Variants in RUNX1 observed in about 807,000 individuals in gnomAD.
The protein encoded by RUNX1 is RUNX family transcription factor 1, also known as runt-related transcription factor 1.
In RUNX1, 19 loss-of-function variants were observed where a neutral mutation model predicts 42.8. The observed-to-expected ratio is 0.44, with a 90% CI of 0.31 to 0.65. RUNX1 has a LOEUF of 0.65. RUNX1 is among the 30% of genes least tolerant of loss of function. The pLI, the probability that RUNX1 is intolerant of heterozygous loss-of-function variation, is 0.07. For missense variants in RUNX1, 528 were observed against 672.0 expected (o/e 0.79, Z 2.37); for synonymous variants, 271 against 289.4 (o/e 0.94, Z 0.64).
intron 2 of RUNX1, among the ~76,000 whole-genome samples, chr21:34,954,172 T>C (rs180942687): frequency 2.6e-5 from 4 of 152,304 alleles, no homozygotes; most frequent in Admixed American, 2.6e-4. Flanking sequence ...GGTGATATCT[T>C]AAGCTACAGA....
chr21:34,807,622 A>G (rs1601363647), intron 7 of RUNX1, among the ~76,000 whole-genome samples: 1 of 152,132 alleles, frequency 6.6e-6, no homozygotes, highest in East Asian at 1.9e-4. Context: ...TTCCCTCCAG[A>G]TTCACCTCAG....
intron 2 of RUNX1, among the ~76,000 whole-genome samples, chr21:35,002,612 G>A (rs1315920718): frequency 6.6e-6 from 1 of 151,790 alleles, no homozygotes; most frequent in Non-Finnish European, 1.5e-5. Flanking sequence ...ATTTTTAGTA[G>A]AGACGGGGTT....
At chr21:34,889,919 C>G in intron 3 of RUNX1, 5 of 959,798 alleles carry the variant, frequency 5.2e-6, no homozygotes, top group Non-Finnish European at 6.4e-6. Flanking sequence ...ACCCAGTCCC[C>G]GGATCCCGGC....
intron 3 of RUNX1, chr21:34,889,967 G>T: frequency 1.7e-6 from 1 of 579,154 alleles, no homozygotes; most frequent in Non-Finnish European, 2.2e-6. Flanking sequence ...TCCCCGCGGA[G>T]CCCCTCAATT....
intron 5 of RUNX1, among the ~76,000 whole-genome samples, chr21:34,872,083 A>G (rs573384614): frequency 7.9e-5 from 12 of 152,168 alleles, no homozygotes; most frequent in Non-Finnish European, 1.3e-4. Context: ...ACCTCAGATG[A>G]TCCTCCTGCC....
rs764387069 is a variant in RUNX1, at chr21:34,886,894, G to A, written c.300C>T (p.Ser100=). The A allele has an allele frequency of 1.2e-6, 2 of 1,613,674 alleles. No homozygotes were observed. The highest frequency in any genetic ancestry group is 1.1e-5 in the South Asian group (1 of 91,076). The part of the protein sequence containing the change: ...VRTDSPNFLC[S]VLPTHWRCNK... ...TGCAGCGCCAGTGCGTAGGCAGCAC[G>A]GAGCAGAGGAAGTTGGGGCTGTCGG... The change falls in exon 4 of 9, where the codon TCC becomes TCT. Residue 100 remains serine, a synonymous_variant. Coordinates refer to ENST00000675419, the MANE Select transcript of RUNX1 (RefSeq NM_001754.5).
rs143606764 is a variant in RUNX1 at position 34,913,810 on chromosome 21, A to G, written c.59-20847T>C. Among the ~76,000 whole-genome samples, 522 of 152,332 alleles carry G rather than the reference A, an allele frequency of 3.4e-3. 2 individuals are homozygous for G. The highest frequency in any genetic ancestry group is 0.012 in the African/African-American group (493 of 41,566). ...TGTGTTTTGGCTCTTGATTGAACCG[A>G]GGGCTGTATGGATTAAATTCCACCC... On this transcript the variant is annotated intron_variant, in intron 2 of 8. Coordinates refer to ENST00000675419, the MANE Select transcript of RUNX1 (RefSeq NM_001754.5).
chr21:35,018,875 C>A (rs924052418), intron 2 of RUNX1, among the ~76,000 whole-genome samples: 1 of 152,166 alleles, frequency 6.6e-6, no homozygotes, highest in Admixed American at 6.5e-5. Flanking sequence ...GATCAGGAAC[C>A]CCTCAGGAAT....
chr21:34,845,409 C>T (rs187907065), intron 6 of RUNX1, among the ~76,000 whole-genome samples: 2 of 152,198 alleles, frequency 1.3e-5, no homozygotes, highest in East Asian at 1.9e-4. Flanking sequence ...TTTCCCGATT[C>T]GAAAGGTACA....
intron 2 of RUNX1, among the ~76,000 whole-genome samples, chr21:35,019,714 C>A (rs1029780143): frequency 6.6e-6 from 1 of 152,070 alleles, no homozygotes; most frequent in Non-Finnish European, 1.5e-5. Context: ...GGGAAGGGAT[C>A]GACAACCACA....
At chr21:34,880,189 A>G (rs1275973740) in intron 5 of RUNX1, among the ~76,000 whole-genome samples, 1 of 152,250 alleles carries the variant, frequency 6.6e-6, no homozygotes, top group Non-Finnish European at 1.5e-5. Context: ...AGTTTCCATT[A>G]AATAGCTTTT....
intron 2 of RUNX1, among the ~76,000 whole-genome samples, chr21:34,946,131 G>T (rs1313768607): frequency 1.3e-5 from 2 of 152,092 alleles, no homozygotes; most frequent in Admixed American, 1.3e-4. Flanking sequence ...AGCTCTTCAT[G>T]AATTCCCTCT....
chr21:35,016,814 A>G (rs1183472167), intron 2 of RUNX1, among the ~76,000 whole-genome samples: 1 of 152,040 alleles, frequency 6.6e-6, no homozygotes, highest in East Asian at 1.9e-4. Flanking sequence ...GAGGCTCTAC[A>G]TTAGCCTACT....
intron 2 of RUNX1, among the ~76,000 whole-genome samples, chr21:35,010,454 GTCC>G (rs1436985047): frequency 6.6e-6 from 1 of 152,126 alleles, no homozygotes; most frequent in East Asian, 1.9e-4. Flanking sequence ...ATTAAGACAT[GTCC>G]TTTGTTGACG....
chr21:34,890,266 C>T (rs943634730), intron 3 of RUNX1, among the ~76,000 whole-genome samples: 3 of 152,034 alleles, frequency 2.0e-5, no homozygotes, highest in Admixed American at 6.5e-5. Context: ...TCCCGGAACG[C>T]CCCCGACGGC....
intron 2 of RUNX1, among the ~76,000 whole-genome samples, chr21:35,021,510 A>G (rs750022089): frequency 6.6e-6 from 1 of 152,250 alleles, no homozygotes; most frequent in Non-Finnish European, 1.5e-5. Context: ...ACATACACAT[A>G]ATATATAAAT....
At chr21:34,803,466 G>T (rs77801221) in intron 7 of RUNX1, among the ~76,000 whole-genome samples, 1 of 151,964 alleles carries the variant, frequency 6.6e-6, no homozygotes, top group Non-Finnish European at 1.5e-5. Flanking sequence ...AGAATGGCAT[G>T]AACCCAGGAG....
rs532507112 is a variant in RUNX1 at position 34,988,185 on chromosome 21, G to A, written c.58+60657C>T. Among the ~76,000 whole-genome samples, 50 of 152,320 alleles carry A rather than the reference G, an allele frequency of 3.3e-4. No homozygotes were observed. In the South Asian group the frequency reaches 9.9e-3, roughly 30 times the overall value. On this transcript the variant is annotated intron_variant, in intron 2 of 8. Coordinates refer to ENST00000675419, the MANE Select transcript of RUNX1 (RefSeq NM_001754.5). ...ATCGGGTGCCAGCTAAGGTAGAGGA[G>A]GGGTGCCAAGGAAGATCAGAGAAGC...
chr21:34,823,119 G>T (rs2056932670), intron 7 of RUNX1, among the ~76,000 whole-genome samples: 1 of 152,224 alleles, frequency 6.6e-6, no homozygotes, highest in Admixed American at 6.5e-5. Flanking sequence ...GCAATTTACA[G>T]GGCTGGGAGA....
Sources: allele counts gnomAD v4.1 joint callset (sites outside exome capture counted in the v4.1 genomes callset), GRCh38; gene constraint gnomAD v4.1.1; transcripts MANE v1.5; gene names NCBI Gene and HGNC (gene_info 2026-07-23, HGNC 2026-07-21).